The following NDUFS8 variants were observed in gnomAD, a reference collection of about 807,000 sequenced individuals.
NDUFS8 encodes the protein NADH dehydrogenase [ubiquinone] iron-sulfur protein 8, mitochondrial.
In NDUFS8, 13 loss-of-function variants were observed where a neutral mutation model predicts 25.6. The ratio of observed to expected loss-of-function variants is 0.51; its 90% CI spans 0.33 to 0.81. The LOEUF is 0.81. Ranked by LOEUF, NDUFS8 falls within the 30% of genes least tolerant of loss-of-function variation. The probability of loss-of-function intolerance (pLI) is 0.02; values close to 1 mark genes in which losing one functional copy is unlikely to be tolerated. For synonymous variants in NDUFS8, 119 were observed against 119.4 expected (o/e 1.00, Z 0.02); for missense variants, 257 against 300.9 (o/e 0.85, Z 1.08).
chr11:68,032,408 G>A, intron 3 of NDUFS8, 72 bp downstream of exon 3: 1 of 1,611,088 alleles, frequency 6.2e-7, no homozygotes, highest in Non-Finnish European at 8.5e-7. Context: ...AGAGACCTGA[G>A]TTCCAGTCCT....
intron 5 of NDUFS8, chr11:68,033,920 C>T (rs1196555101): frequency 6.2e-6 from 1 of 161,822 alleles, no homozygotes; most frequent in African/African-American, 2.4e-5. Context: ...GTCCTCCAGG[C>T]CATGAGCTGC....
intron 5 of NDUFS8, chr11:68,033,757 C>T (rs560870979): frequency 8.5e-4 from 197 of 231,904 alleles, no homozygotes; most frequent in Admixed American, 3.3e-3. Flanking sequence ...CAATATGACT[C>T]GGTCAGAGCT....
At chr11:68,034,326 T>G (rs2134416038) in intron 5 of NDUFS8, 1 of 152,372 alleles carries the variant, frequency 6.6e-6, no homozygotes, top group African/African-American at 2.4e-5. Flanking sequence ...TGCCCCCACT[T>G]GCTGTGTAGC....
In NDUFS8 at chr11:68,036,462, G is replaced by A. The variant is rs147344724; in HGVS notation, c.502G>A (p.Gly168Ser). Reference sequence around the variant, plus strand: ...ACCGTCCCTGCACCTCAACCTGCAGGGCCCCAACTTTGAGTTCTCCACGGA... The same window carrying A: ...ACCGTCCCTGCACCTCAACCTGCAGAGCCCCAACTTTGAGTTCTCCACGGA... ...EACPVDAIVE[G>S]PNFEFSTETH... The change falls in exon 7 of 7, where the codon GGC (glycine) becomes AGC (serine). Residue 168 changes from glycine (G) to serine (S), a missense_variant and splice_region_variant. By Grantham distance (56) the Gly-to-Ser change is moderately conservative. Transcript: ENST00000313468. 1 of 1,613,990 alleles carries A rather than the reference G, an allele frequency of 6.2e-7. No homozygotes were observed. The highest frequency in any genetic ancestry group is 2.2e-5 in the East Asian group (1 of 44,876).
intron 5 of NDUFS8, 117 bp from the exon 6 acceptor site, chr11:68,036,136 C>T (rs1198205519): frequency 1.9e-6 from 3 of 1,546,940 alleles, no homozygotes; most frequent in Admixed American, 1.7e-5. Context: ...GTCCAGGAGG[C>T]CTTTGAGGGG....
chr11:68,035,996 C>T (rs190391597), intron 5 of NDUFS8: 10 of 438,982 alleles, frequency 2.3e-5, no homozygotes, highest in African/African-American at 4.5e-5. Flanking sequence ...TCCAGCCTGG[C>T]GACAGAGCGA....
intron 4 of NDUFS8, 45 bp downstream of exon 4, chr11:68,033,057 C>T (rs766983012): frequency 2.6e-5 from 42 of 1,613,098 alleles, no homozygotes; most frequent in East Asian, 4.5e-5. Context: ...CGGGTGGGCA[C>T]GGATGCATGG....
At position 68,036,575 on chromosome 11, in the gene NDUFS8, T is replaced by C; in HGVS notation, c.615T>C (p.Ala205=). The C allele has an allele frequency of 6.2e-7, 1 of 1,613,900 alleles. No individual in the cohort carries two copies. The highest frequency in any genetic ancestry group is 8.5e-7 in the Non-Finnish European group (1 of 1,179,986). ...WEAEIAANIQ[A]DYLYR ...CCGAGATCGCCGCCAACATCCAGGC[T>C]GACTACTTGTATCGGTGACGCCCCA... is the stretch of plus-strand genomic sequence containing the variant. Residue 205 remains alanine, a synonymous_variant, in exon 7 of 7, where the codon GCT becomes GCC. Transcript: ENST00000313468.
In NDUFS8 at chr11:68,033,287, A is replaced by G; in HGVS notation, c.372+4A>G. The stretch of plus-strand genomic sequence containing the variant: ...CGAGGCCATCTGCCCCGCCCAGGTG[A>G]GCCCCTGCCCCAACCGGCCACCACG... On this transcript the variant is annotated splice_donor_region_variant and intron_variant, in intron 5 of 6. Coordinates refer to ENST00000313468, the MANE Select transcript of NDUFS8 (RefSeq NM_002496.4). 6.2e-7 allele frequency: 1 copy of G among 1,600,918 alleles called. No individual in the cohort carries two copies. The highest frequency in any genetic ancestry group is 1.1e-5 in the South Asian group (1 of 89,924).
rs571528106 is a variant in NDUFS8, at chr11:68,033,277, C to T, written c.366C>T (p.Pro122=). The change falls in exon 5 of 7, where the codon CCC becomes CCT. Residue 122 remains proline (P), a synonymous_variant. Transcript: ENST00000313468. The part of the protein sequence containing the change: ...IACKLCEAIC[P]AQAITIEAEP... ...GCAAGCTCTGCGAGGCCATCTGCCC[C>T]GCCCAGGTGAGCCCCTGCCCCAACC... is the stretch of plus-strand genomic sequence containing the variant. The T allele has an allele frequency of 3.4e-5, 55 of 1,603,932 alleles. No individual in the cohort carries two copies. The South Asian group carries it at 4.3e-4, about 13-fold the overall frequency.
chr11:68,033,448 T>C (rs1478295967), intron 5 of NDUFS8, 165 bp downstream of exon 5: 1 of 850,652 alleles, frequency 1.2e-6, no homozygotes, highest in East Asian at 2.7e-5. Context: ...TGAGGGCTTG[T>C]TACCAGAGCA....
At chr11:68,030,821 T>C in intron 1 of NDUFS8, 88 bp downstream of exon 1, 1 of 398,918 alleles carries the variant, frequency 2.5e-6, no homozygotes, top group Non-Finnish European at 5.1e-6. Context: ...CGCCGCCAGC[T>C]CTGCGCCTGG....
intron 6 of NDUFS8, 38 bp downstream of exon 6, chr11:68,036,419 C>T (rs976898033): frequency 6.2e-7 from 1 of 1,613,780 alleles, no homozygotes; most frequent in African/African-American, 1.3e-5. Flanking sequence ...GCCTGAGGCT[C>T]CTCAGCAGGG....
rs1480357210 is a variant in NDUFS8 at position 68,033,209 on chromosome 11, G to A, written c.298G>A (p.Ala100Thr). 1 of 1,612,148 alleles carries A rather than the reference G, an allele frequency of 6.2e-7. No individual in the cohort carries two copies. Among genetic ancestry groups the A allele is most frequent in the Non-Finnish European group, 8.5e-7 (1 of 1,179,618 alleles). The change falls in exon 5 of 7, where the codon GCG becomes ACG. Residue 100 changes from alanine to threonine, a missense_variant. By Grantham distance (58) the Ala-to-Thr change is moderately conservative. Transcript: ENST00000313468. ...GAGCCCTCGCTTCCGTGGGGAGCAT[G>A]CGCTGCGCCGGTACCCATCCGGGGA... The part of the protein sequence containing the change: ...PLSPRFRGEH[A>T]LRRYPSGEER...
chr11:68,032,520 C>G, intron 3 of NDUFS8, 184 bp downstream of exon 3: 1 of 1,503,308 alleles, frequency 6.7e-7, no homozygotes, highest in Non-Finnish European at 8.9e-7. Flanking sequence ...CCATCATTGC[C>G]GAGGTTAGCA....
At chr11:68,031,190 T>G (rs915018163) in intron 1 of NDUFS8, 1 of 223,992 alleles carries the variant, frequency 4.5e-6, no homozygotes, top group Admixed American at 5.5e-5. Context: ...CTGCCCAAGG[T>G]CACGCGGCAG....
At chr11:68,033,518 AG>A in intron 5 of NDUFS8, 1 of 625,842 alleles carries the variant, frequency 1.6e-6, no homozygotes, top group East Asian at 2.8e-5. Context: ...TGACACACAG[AG>A]GTTCCCCCTT....
Position 68,036,494 on chromosome 11 carries a change from T to A in NDUFS8, c.534T>A (p.His178Gln). 6.2e-7 allele frequency: 1 copy of A among 1,613,930 alleles called. No individual in the cohort carries two copies. ...GPNFEFSTET[H>Q]EELLYNKEKL... The stretch of plus-strand genomic sequence containing the variant: ...ACTTTGAGTTCTCCACGGAGACCCA[T>A]GAGGAGCTGCTGTACAACAAGGAGA... The change falls in exon 7 of 7, where the codon CAT becomes CAA. Residue 178 changes from histidine (H) to glutamine (Q), a missense_variant. By Grantham distance (24) the His-to-Gln change is conservative. Coordinates refer to ENST00000313468, the MANE Select transcript of NDUFS8 (RefSeq NM_002496.4).
intron 5 of NDUFS8, chr11:68,033,815 C>T (rs3133267): frequency 0.94 from 163,303 of 174,022 alleles, 77,434 homozygotes; most frequent in East Asian, 1. Flanking sequence ...GCAGCCGCCG[C>T]CGCTACTTTC....
Sources: allele counts gnomAD v4.1 joint callset, GRCh38; gene constraint gnomAD v4.1.1; transcripts MANE v1.5; gene names NCBI Gene and HGNC (gene_info 2026-07-23, HGNC 2026-07-21).